MZT2B: variants seen among roughly 807,000 people sequenced by gnomAD.
MZT2B encodes mitotic-spindle organizing protein 2B.
In MZT2B, 11 loss-of-function variants were observed where a neutral mutation model predicts 12.1. The observed-to-expected ratio is 0.91, with a 90% CI of 0.57 to 1.50. MZT2B has a LOEUF of 1.50. MZT2B is among the 40% of genes most tolerant of loss of function. The pLI is 0.00. For missense variants in MZT2B, 209 were observed against 227.7 expected, an observed-to-expected ratio of 0.92 and a Z score of 0.53; for synonymous variants, 85 against 109.5, an observed-to-expected ratio of 0.78 and a Z score of 1.40.
At chr2:130,196,011 TC>T in the MZT2B span, 4 of 1,393,168 alleles carry the variant, frequency 2.9e-6, no homozygotes, top group South Asian at 6.1e-5. Context: ...CCTTTCAGTT[TC>T]TCTCCTAACA....
the MZT2B span, chr2:130,198,570 A>G: frequency 1.9e-6 from 1 of 539,190 alleles, no homozygotes; most frequent in South Asian, 2.8e-5. Context: ...TGTAGTGGGG[A>G]TGCTCTCTGA....
At chr2:130,193,990 C>T, downstream of MZT2B, 2 of 1,614,154 alleles carry the variant, frequency 1.2e-6, no homozygotes, top group East Asian at 2.2e-5. Context: ...CAGACAGCTG[C>T]TCGTGGTAGG....
chr2:130,196,870 A>G, the MZT2B span, among the ~76,000 whole-genome samples: 2 of 152,046 alleles, frequency 1.3e-5, no homozygotes, highest in East Asian at 1.9e-4. Context: ...TGTGCTCTCG[A>G]AGGCTGACCC....
chr2:130,182,203 G>T, upstream of MZT2B: 1 of 1,248,814 alleles, frequency 8.0e-7, no homozygotes, highest in Admixed American at 4.1e-5. Context: ...GCCAGACGTT[G>T]ACGCTGCAGG....
At chr2:130,181,655 T>A, upstream of MZT2B, 2 of 1,551,694 alleles carry the variant, frequency 1.3e-6, no homozygotes, top group Middle Eastern at 1.7e-4. Context: ...CGCTTCCACC[T>A]CTTTGGGCCG....
At chr2:130,197,504 A>G in the MZT2B span, among the ~76,000 whole-genome samples, 12 of 110,048 alleles carry the variant, frequency 1.1e-4, 2 homozygotes, top group East Asian at 1.3e-3. Flanking sequence ...AAAAAAAAAA[A>G]AAAAGAAAAG....
chr2:130,191,036 G>A (rs1042132878), downstream of MZT2B, among the ~76,000 whole-genome samples: 1 of 151,942 alleles, frequency 6.6e-6, no homozygotes, highest in African/African-American at 2.4e-5. Flanking sequence ...TACAAGCTCC[G>A]CCTCCTGGGT....
At chr2:130,204,454 G>A in the MZT2B span, 1 of 357,046 alleles carries the variant, frequency 2.8e-6, no homozygotes, top group African/African-American at 2.2e-5. Context: ...ACTTTGGGAG[G>A]TCGAGGCGGG....
In MZT2B at chr2:130,186,279, T is replaced by A. The variant is rs545170228; in HGVS notation, c.319+3504T>A. Reference sequence around the variant, plus strand: ...GCTGCAGCAGGCACCCTGGGTCCTCTGGATGCCTGTCCCCCAGCCATCCAG... The same window carrying A: ...GCTGCAGCAGGCACCCTGGGTCCTCAGGATGCCTGTCCCCCAGCCATCCAG... On this transcript the variant is annotated intron_variant, in intron 2 of 2. Coordinates refer to ENST00000281871, the MANE Select transcript of MZT2B (RefSeq NM_025029.5). Among the ~76,000 whole-genome samples, 3 of 152,206 alleles carry A rather than the reference T, an allele frequency of 2.0e-5. No individual in the cohort carries two copies. The East Asian group carries it at 5.8e-4, about 29-fold the overall frequency.
At chr2:130,196,493 A>G in the MZT2B span, 7 of 1,384,824 alleles carry the variant, frequency 5.1e-6, no homozygotes, top group African/African-American at 2.9e-5. Flanking sequence ...TTCACAATCG[A>G]TATTTCCTAG....
At chr2:130,192,771 T>C (rs1299479993), downstream of MZT2B, among the ~76,000 whole-genome samples, 1 of 152,164 alleles carries the variant, frequency 6.6e-6, no homozygotes, top group Non-Finnish European at 1.5e-5. Context: ...CAGGGTCAAC[T>C]AGAGCAGGGA....
At chr2:130,198,550 G>A in the MZT2B span, 2 of 660,966 alleles carry the variant, frequency 3.0e-6, 1 homozygote, top group South Asian at 4.5e-5. Flanking sequence ...ATTGGCCGTT[G>A]CTCAACACGT....
chr2:130,181,756 A>G (rs765757501), upstream of MZT2B: 17 of 1,548,168 alleles, frequency 1.1e-5, no homozygotes, highest in East Asian at 3.9e-4. Flanking sequence ...AGTGGTCCTT[A>G]GCTGAATGCG....
chr2:130,182,861 C>G, intron 2 of MZT2B, 86 bp downstream of exon 2: 1 of 1,459,818 alleles, frequency 6.9e-7, no homozygotes. Flanking sequence ...CGGCGTGGCC[C>G]TGAGTGGCCA....
At chr2:130,198,451 G>A in the MZT2B span, 10 of 1,319,798 alleles carry the variant, frequency 7.6e-6, 2 homozygotes, top group South Asian at 1.4e-5. Flanking sequence ...ACCTGCCCAC[G>A]CGCGCCGCAC....
chr2:130,186,083 T>C (rs1240979358), intron 2 of MZT2B, among the ~76,000 whole-genome samples: 2 of 151,790 alleles, frequency 1.3e-5, no homozygotes, highest in Non-Finnish European at 2.9e-5. Flanking sequence ...TTACAGCATC[T>C]GACCACACAG....
chr2:130,197,911 C>T, the MZT2B span, among the ~76,000 whole-genome samples: 2 of 124,922 alleles, frequency 1.6e-5, 1 homozygote, highest in Non-Finnish European at 3.6e-5. Flanking sequence ...CCTGGCCTAA[C>T]GGTTGCCTTT....
intron 2 of MZT2B, among the ~76,000 whole-genome samples, chr2:130,187,373 A>G (rs1211682698): frequency 6.6e-6 from 1 of 152,032 alleles, no homozygotes; most frequent in African/African-American, 2.4e-5. Context: ...TTTTTTGTAG[A>G]GATGGAGGTC....
At chr2:130,197,854 C>T in the MZT2B span, among the ~76,000 whole-genome samples, 2 of 124,966 alleles carry the variant, frequency 1.6e-5, 1 homozygote, top group East Asian at 5.2e-4. Context: ...GGGATCCGCC[C>T]GCCTCCACCT....
Sources: gnomAD v4.1 joint callset for allele counts (sites outside exome capture counted in the v4.1 genomes callset) on GRCh38, gnomAD v4.1.1 for gene constraint, MANE v1.5 for transcripts, NCBI Gene and HGNC (gene_info 2026-07-23, HGNC 2026-07-21) for gene names.